Variants in TPO observed in about 807,000 individuals in gnomAD.
TPO encodes thyroid peroxidase.
In TPO, 78 loss-of-function variants were observed where a neutral mutation model predicts 96.9. The ratio of observed to expected loss-of-function variants is 0.81; its 90% CI spans 0.67 to 0.97. The LOEUF is 0.97. Ranked by LOEUF, TPO falls within the 50% of genes least tolerant of loss-of-function variation. The probability of loss-of-function intolerance (pLI) is 0.00; values close to 1 mark genes in which losing one functional copy is unlikely to be tolerated. For synonymous variants in TPO, 547 were observed against 538.0 expected (o/e 1.02, Z -0.23); for missense variants, 1,252 against 1,274.8 (o/e 0.98, Z 0.27).
intron 1 of TPO, among the ~76,000 whole-genome samples, chr2:1,414,140 T>C (rs770132945): frequency 3.5e-4 from 54 of 152,232 alleles, no homozygotes; most frequent in Non-Finnish European, 6.0e-4. Flanking sequence ...TACTGAGATA[T>C]ATTGGCAACT....
chr2:1,462,320 C>T (rs1279225326), intron 7 of TPO, among the ~76,000 whole-genome samples: 1 of 152,078 alleles, frequency 6.6e-6, no homozygotes, highest in African/African-American at 2.4e-5. Flanking sequence ...GCTAAGGTCC[C>T]TGGACACAAA....
At chr2:1,479,428 G>A (rs1455826665) in intron 8 of TPO, among the ~76,000 whole-genome samples, 5 of 152,180 alleles carry the variant, frequency 3.3e-5, no homozygotes. Flanking sequence ...TGGAAGTCCT[G>A]CCCCTTCTGT....
At chr2:1,509,559 C>T (rs953638033) in intron 14 of TPO, among the ~76,000 whole-genome samples, 4 of 151,234 alleles carry the variant, frequency 2.6e-5, no homozygotes, top group East Asian at 4.0e-4. Flanking sequence ...TCAGGGACAC[C>T]CCACCCTCTT....
chr2:1,519,247 G>T (rs1190080535), intron 15 of TPO, among the ~76,000 whole-genome samples: 1 of 152,222 alleles, frequency 6.6e-6, no homozygotes. Context: ...GAAGTGCTAT[G>T]ATTGTGTCCA....
intron 7 of TPO, among the ~76,000 whole-genome samples, chr2:1,476,851 A>G (rs1384468174): frequency 7.8e-6 from 1 of 128,148 alleles, no homozygotes; most frequent in African/African-American, 3.0e-5. Flanking sequence ...TGAGCAGGCC[A>G]GGGGGGAGGT....
At chr2:1,444,090 A>T (rs12986996) in intron 5 of TPO, among the ~76,000 whole-genome samples, 2 of 78,382 alleles carry the variant, frequency 2.6e-5, no homozygotes, top group African/African-American at 5.2e-5. Context: ...GCACCATGTT[A>T]GAAGGGAATG....
Position 1,493,885 on chromosome 2 carries a change from G to C in TPO, c.1852G>C (p.Val618Leu). Residue 618 changes from valine to leucine, a missense_variant, in exon 11 of 17, where the codon GTG (valine) becomes CTG (leucine). By Grantham distance (32) the Val-to-Leu change is conservative. Coordinates refer to ENST00000329066, the MANE Select transcript of TPO (RefSeq NM_001206744.2). ...DLSTAIASRS[V>L]ADKILDLYKH... ...GAGCACAGCCATCGCCAGCAGGAGC[G>C]TGGCCGACAAGATCCTGGACTTGTA... 1 of 1,614,126 alleles carries C rather than the reference G, an allele frequency of 6.2e-7. No homozygotes were observed. The highest frequency in any genetic ancestry group is 8.5e-7 in the Non-Finnish European group (1 of 1,180,028).
chr2:1,438,556 G>A (rs1179721326), intron 5 of TPO, among the ~76,000 whole-genome samples: 3 of 151,892 alleles, frequency 2.0e-5, no homozygotes, highest in African/African-American at 4.8e-5. Context: ...TACGGAGGTC[G>A]ACCCAGGGGC....
intron 5 of TPO, among the ~76,000 whole-genome samples, chr2:1,444,060 T>C (rs1290067234): frequency 2.8e-5 from 4 of 143,270 alleles, no homozygotes; most frequent in Non-Finnish European, 6.0e-5. Context: ...GTTTGTATGA[T>C]CCAGTCATTG....
At chr2:1,454,758 T>A (rs1667636599) in intron 6 of TPO, among the ~76,000 whole-genome samples, 1 of 152,222 alleles carries the variant, frequency 6.6e-6, no homozygotes, top group Admixed American at 6.5e-5. Context: ...CGAGGCTTTT[T>A]AAACTCTCAG....
intron 16 of TPO, chr2:1,541,364 T>G (rs1014253415): frequency 3.7e-5 from 8 of 216,054 alleles, no homozygotes; most frequent in Admixed American, 5.8e-5. Flanking sequence ...AACAATAGGT[T>G]TTTTTTTTTT....
intron 1 of TPO, among the ~76,000 whole-genome samples, chr2:1,392,945 A>C (rs1489650687): frequency 6.6e-6 from 1 of 152,180 alleles, no homozygotes; most frequent in Middle Eastern, 3.2e-3. Flanking sequence ...AATGTTTTAC[A>C]TTCATGAGTG....
At chr2:1,471,357 C>G (rs1017437303) in intron 7 of TPO, among the ~76,000 whole-genome samples, 4 of 152,088 alleles carry the variant, frequency 2.6e-5, no homozygotes, top group Admixed American at 1.3e-4. Flanking sequence ...ATTTCTCACC[C>G]TCTTATGCTG....
intron 5 of TPO, among the ~76,000 whole-genome samples, chr2:1,437,987 G>A (rs1490025938): frequency 6.6e-6 from 1 of 152,154 alleles, no homozygotes; most frequent in Non-Finnish European, 1.5e-5. Context: ...TGGCTGGTGG[G>A]ATGCACGGCT....
At chr2:1,461,983 T>C (rs12470856) in intron 7 of TPO, among the ~76,000 whole-genome samples, 75,290 of 151,940 alleles carry the variant, frequency 0.5, 18,731 homozygotes, top group East Asian at 0.52. Flanking sequence ...AGGCGGGTGC[T>C]CTCATCAGCC....
chr2:1,447,235 G>A (rs935843631), intron 5 of TPO, among the ~76,000 whole-genome samples: 5 of 152,204 alleles, frequency 3.3e-5, no homozygotes, highest in African/African-American at 1.2e-4. Flanking sequence ...TCAGAAGCCT[G>A]CTGCCTGGAG....
intron 1 of TPO, among the ~76,000 whole-genome samples, chr2:1,413,879 G>T (rs1256639460): frequency 6.6e-6 from 1 of 152,174 alleles, no homozygotes; most frequent in Non-Finnish European, 1.5e-5. Flanking sequence ...AAGTAGAAAT[G>T]ATGAATTTTG....
At chr2:1,470,061 A>G (rs1031926711) in intron 7 of TPO, among the ~76,000 whole-genome samples, 16 of 152,206 alleles carry the variant, frequency 1.1e-4, no homozygotes, top group African/African-American at 3.9e-4. Flanking sequence ...TGCAGCAATG[A>G]GATGGCGAAT....
chr2:1,530,863 G>C (rs1321650451), intron 15 of TPO, among the ~76,000 whole-genome samples: 2 of 79,200 alleles, frequency 2.5e-5, no homozygotes, highest in Non-Finnish European at 4.9e-5. Flanking sequence ...TACCCCCACT[G>C]TGTGCAACCT....
Sources: allele counts gnomAD v4.1 joint callset (sites outside exome capture counted in the v4.1 genomes callset), GRCh38; gene constraint gnomAD v4.1.1; transcripts MANE v1.5; gene names NCBI Gene and HGNC (gene_info 2026-07-23, HGNC 2026-07-21).